CDCA7L: variants seen among roughly 807,000 people sequenced by gnomAD.
CDCA7L encodes cell division cycle-associated 7-like protein.
CDCA7L carries 44 observed loss-of-function variants against 57.4 expected under a neutral mutation model. The observed-to-expected ratio is 0.77, with a 90% CI of 0.60 to 0.98. The LOEUF (loss-of-function observed/expected upper bound fraction) is 0.98. Ranked by LOEUF, CDCA7L falls within the 50% of genes least tolerant of loss-of-function variation. The pLI, the probability that CDCA7L is intolerant of heterozygous loss-of-function variation, is 0.00. For missense variants in CDCA7L, 644 were observed against 580.6 expected, an observed-to-expected ratio of 1.11 and a Z score of -1.12; for synonymous variants, 236 against 202.8, an observed-to-expected ratio of 1.16 and a Z score of -1.39.
At chr7:21,925,964 C>T (rs1451670448) in intron 1 of CDCA7L, among the ~76,000 whole-genome samples, 1 of 152,122 alleles carries the variant, frequency 6.6e-6, no homozygotes, top group Admixed American at 6.5e-5. Context: ...GACAGCCAGA[C>T]ACAGAGGCAC....
intron 1 of CDCA7L, among the ~76,000 whole-genome samples, chr7:21,945,048 C>G (rs1048792030): frequency 4.6e-5 from 7 of 152,146 alleles, no homozygotes; most frequent in African/African-American, 1.7e-4. Flanking sequence ...GAGAAAAGCT[C>G]TTTTAAGAAG....
chr7:21,901,302 T>G lies in CDCA7L; in HGVS notation c.*1020A>C, dbSNP rs762207462. ...CCTCTGCTGGAGTGCAGTGAGGATT[T>G]TCTAGCATGTTGCTGCACTGTTCCC... On this transcript the variant is annotated 3_prime_UTR_variant, in exon 10 of 10. Coordinates refer to ENST00000406877, the MANE Select transcript of CDCA7L (RefSeq NM_018719.5). 2 of 1,550,192 alleles carry G rather than the reference T, an allele frequency of 1.3e-6. No homozygotes were observed. The highest frequency in any genetic ancestry group is 1.7e-6 in the Non-Finnish European group (2 of 1,149,404).
rs1458493879 is a variant in CDCA7L at position 21,902,347 on chromosome 7, TGTAAGCTGGGAAA to T, written c.1335-8_1339del. The stretch of plus-strand genomic sequence containing the variant: ...TTAATTGTCTTCTACCAGCTCCTTT[TGTAAGCTGGGAAA>T]AAGATGAGAAGTATTTGGTAAAGTA... On this transcript the variant is annotated splice_acceptor_variant and splice_polypyrimidine_tract_variant and coding_sequence_variant and intron_variant, in exon 10 of 10. Coordinates refer to ENST00000406877, the MANE Select transcript of CDCA7L (RefSeq NM_018719.5). LOFTEE classifies it high-confidence loss of function. 6.2e-7 allele frequency: 1 copy of T among 1,613,926 alleles called. No homozygotes were observed.
chr7:21,907,826 C>A (rs1785189086), intron 4 of CDCA7L, among the ~76,000 whole-genome samples: 3 of 152,154 alleles, frequency 2.0e-5, no homozygotes, highest in African/African-American at 7.2e-5. Context: ...TGTTCAGCCC[C>A]TCTCATCCCC....
In CDCA7L at chr7:21,903,093, G is replaced by T. The variant is rs768050489; in HGVS notation, c.1219C>A (p.Arg407Ser). Residue 407 changes from arginine (R) to serine (S), a missense_variant, in exon 9 of 10, where the codon CGT becomes AGT. Physicochemically the swap from Arg to Ser is moderately radical, Grantham distance 110. Coordinates refer to ENST00000406877, the MANE Select transcript of CDCA7L (RefSeq NM_018719.5). ...LDPDWVCPPC[R>S]GICNCSYCRK... ...CAGTAGCTGCAATTGCAGATCCCAC[G>T]ACAGGGGGGACACACCCAATCCTAA... 5 of 1,613,818 alleles carry T rather than the reference G, an allele frequency of 3.1e-6. No homozygotes were observed. Among genetic ancestry groups the T allele is most frequent in the South Asian group, 2.2e-5 (2 of 91,040 alleles).
At chr7:21,902,487 TTATGCATCAA>T (rs1310909956) in intron 9 of CDCA7L, 135 bp from the exon 10 acceptor site, 1 of 843,116 alleles carries the variant, frequency 1.2e-6, no homozygotes, top group Non-Finnish European at 2.0e-6. Flanking sequence ...TCCTGACAAT[TTATGCATCAA>T]TATCCGTATA....
In CDCA7L at chr7:21,904,209, C is replaced by A. The variant is rs1296930779; in HGVS notation, c.1098G>T (p.Val366=). 6.2e-7 allele frequency: 1 copy of A among 1,613,754 alleles called. No homozygotes were observed. The highest frequency in any genetic ancestry group is 8.5e-7 in the Non-Finnish European group (1 of 1,179,794). ...CACCACAGCAACCCTGGTTCCGACA[C>A]ACTGTCTTGGTGTCGATGGTCTTTT... ...CRQKTIDTKT[V]CRNQGCCGVR... Residue 366 remains valine, a synonymous_variant, in exon 8 of 10, where the codon GTG becomes GTT. Transcript: ENST00000406877.
At chr7:21,910,300 C>T (rs1190006978) in intron 3 of CDCA7L, among the ~76,000 whole-genome samples, 1 of 152,174 alleles carries the variant, frequency 6.6e-6, no homozygotes, top group Non-Finnish European at 1.5e-5. Context: ...ACTGATGGAA[C>T]TGCCACACAA....
Position 21,901,205 on chromosome 7 carries a change from A to AGACTGCAAAAT in CDCA7L, c.*1106_*1116dup. The AGACTGCAAAAT allele has an allele frequency of 6.2e-7, 1 of 1,613,094 alleles. No homozygotes were observed. Among genetic ancestry groups the AGACTGCAAAAT allele is most frequent in the Non-Finnish European group, 8.5e-7 (1 of 1,179,222 alleles). Reference sequence around the variant, plus strand: ...ACCTTCAGGCTGAAGAGCGAAGAGAAGACTGCAAAATGGGTTCTGGCTGGA... The same window carrying AGACTGCAAAAT: ...ACCTTCAGGCTGAAGAGCGAAGAGAAGACTGCAAAATGACTGCAAAATGGGTTCTGGCTGGA... On this transcript the variant is annotated 3_prime_UTR_variant, in exon 10 of 10. Coordinates refer to ENST00000406877, the MANE Select transcript of CDCA7L (RefSeq NM_018719.5).
chr7:21,916,640 T>C (rs1382419416), intron 2 of CDCA7L, 114 bp downstream of exon 2: 1 of 965,546 alleles, frequency 1.0e-6, no homozygotes, highest in Admixed American at 2.2e-5. Context: ...TAAAATAAAA[T>C]GCTAGACAAT....
chr7:21,903,462 T>C (rs1179725181), intron 8 of CDCA7L, among the ~76,000 whole-genome samples: 1 of 152,140 alleles, frequency 6.6e-6, no homozygotes, highest in Non-Finnish European at 1.5e-5. Context: ...AAGGTATGAA[T>C]TTCAGCCCTT....
intron 1 of CDCA7L, among the ~76,000 whole-genome samples, chr7:21,931,213 T>A (rs1363024681): frequency 2.0e-5 from 3 of 152,216 alleles, no homozygotes; most frequent in Non-Finnish European, 4.4e-5. Flanking sequence ...GAGGAGCTGG[T>A]ACCATTCCTT....
At chr7:21,927,774 T>C (rs1026139431) in intron 1 of CDCA7L, among the ~76,000 whole-genome samples, 2 of 152,184 alleles carry the variant, frequency 1.3e-5, no homozygotes, top group African/African-American at 4.8e-5. Context: ...AGTAGTCACA[T>C]ACAAGTGACA....
At chr7:21,902,740 T>A (rs1784968760) in intron 9 of CDCA7L, 1 of 509,504 alleles carries the variant, frequency 2.0e-6, no homozygotes, top group Non-Finnish European at 3.5e-6. Context: ...CAAGGAGAAA[T>A]TTTGGTTAAA....
intron 1 of CDCA7L, among the ~76,000 whole-genome samples, chr7:21,927,871 C>T (rs988064864): frequency 5.9e-5 from 9 of 152,208 alleles, no homozygotes; most frequent in African/African-American, 2.2e-4. Flanking sequence ...CTGGGAAAGG[C>T]GTGGCTGTGG....
intron 1 of CDCA7L, among the ~76,000 whole-genome samples, chr7:21,927,700 T>A (rs1785870454): frequency 1.3e-5 from 2 of 152,180 alleles, no homozygotes; most frequent in African/African-American, 4.8e-5. Context: ...GTAGGACAAC[T>A]CGGAAGAGGT....
In CDCA7L at chr7:21,904,223, C is replaced by G; in HGVS notation, c.1084G>C (p.Asp362His). 2 of 1,612,374 alleles carry G rather than the reference C, an allele frequency of 1.2e-6. No individual in the cohort carries two copies. The highest frequency in any genetic ancestry group is 1.7e-6 in the Non-Finnish European group (2 of 1,179,226). ...TCHQCRQKTI[D>H]TKTVCRNQGC... ...TGGTTCCGACACACTGTCTTGGTGT[C>G]GATGGTCTTTTGTCGACACTGATGG... The change falls in exon 8 of 10, where the codon GAC becomes CAC. Residue 362 changes from aspartate (D) to histidine (H), a missense_variant. By Grantham distance (81) the Asp-to-His change is moderately conservative. Transcript: ENST00000406877.
chr7:21,906,487 G>A, intron 5 of CDCA7L, 31 bp from the exon 6 acceptor site: 1 of 1,611,124 alleles, frequency 6.2e-7, no homozygotes, highest in Non-Finnish European at 8.5e-7. Flanking sequence ...AGAGACAACT[G>A]GGGACTCTCT....
chr7:21,905,874 T>C (rs141753262), intron 6 of CDCA7L, among the ~76,000 whole-genome samples: 1 of 152,298 alleles, frequency 6.6e-6, no homozygotes, highest in East Asian at 1.9e-4. Flanking sequence ...GTAAACTCTG[T>C]GGAGAGGTGA....
Sources: gnomAD v4.1 joint callset for allele counts (sites outside exome capture counted in the v4.1 genomes callset) on GRCh38, gnomAD v4.1.1 for gene constraint, MANE v1.5 for transcripts, NCBI Gene and HGNC (gene_info 2026-07-23, HGNC 2026-07-21) for gene names.